Variants in SSPN observed in about 807,000 individuals in gnomAD.
SSPN encodes sarcospan, also known as K-ras oncogene-associated protein.
SSPN carries 15 observed loss-of-function variants against 19.1 expected under a neutral mutation model. That is an observed-to-expected ratio of 0.78 (90% confidence interval 0.52 to 1.21). SSPN has a LOEUF of 1.21. Among genes scored for constraint, SSPN ranks in the 50% most tolerant of loss-of-function variants. The pLI is 0.00. For synonymous variants in SSPN, 147 were observed against 140.3 expected (o/e 1.05, Z -0.34); for missense variants, 291 against 314.0 (o/e 0.93, Z 0.55).
At chr12:26,175,844 T>G (rs1944680537) in intron 1 of SSPN, among the ~76,000 whole-genome samples, 1 of 151,964 alleles carries the variant, frequency 6.6e-6, no homozygotes, top group African/African-American at 2.4e-5. Flanking sequence ...TTTGAGTTTT[T>G]TTTTTTTTTT....
rs1334501272 is a variant in SSPN at position 26,231,230 on chromosome 12, T to C, written c.*154T>C. 5 of 1,119,782 alleles carry C rather than the reference T, an allele frequency of 4.5e-6. No individual in the cohort carries two copies. In the Admixed American group the frequency reaches 9.6e-5, roughly 22 times the overall value. 69.4% of individuals were successfully genotyped at this position (1,119,782 alleles called of 1,614,324 possible). ...TATATTTTTATGAAACAAAAGAGCATTTCTTCAGGTTTCTATTGTATTTTT... is the reference window on the plus strand; with the variant it reads ...TATATTTTTATGAAACAAAAGAGCACTTCTTCAGGTTTCTATTGTATTTTT... On this transcript the variant is annotated 3_prime_UTR_variant, in exon 3 of 3. Coordinates refer to ENST00000242729, the MANE Select transcript of SSPN (RefSeq NM_005086.5).
At chr12:26,134,336 A>G (rs61915715) in intron 1 of SSPN, among the ~76,000 whole-genome samples, 15,804 of 152,206 alleles carry the variant, frequency 0.1, 980 homozygotes, top group Non-Finnish European at 0.14. Flanking sequence ...ACTGTCTCCA[A>G]GAAGCCTTCT....
intron 2 of SSPN, among the ~76,000 whole-genome samples, chr12:26,227,157 C>T (rs1171881163): frequency 6.6e-6 from 1 of 152,138 alleles, no homozygotes; most frequent in Non-Finnish European, 1.5e-5. Flanking sequence ...AAACAAGCCA[C>T]TTGATTTTAA....
chr12:26,225,947 G>T (rs1161720128), intron 2 of SSPN, among the ~76,000 whole-genome samples: 1 of 150,974 alleles, frequency 6.6e-6, no homozygotes, highest in African/African-American at 2.4e-5. Context: ...TGCCATCTCA[G>T]CATCTGCACC....
At chr12:26,188,728 C>A (rs189893762) in intron 1 of SSPN, among the ~76,000 whole-genome samples, 247 of 152,288 alleles carry the variant, frequency 1.6e-3, no homozygotes, top group Middle Eastern at 3.4e-3. Flanking sequence ...CATATTATAA[C>A]CTTTGCACTG....
chr12:26,176,344 A>C (rs561065170), intron 1 of SSPN, among the ~76,000 whole-genome samples: 1 of 152,358 alleles, frequency 6.6e-6, no homozygotes, highest in Admixed American at 6.5e-5. Flanking sequence ...TATGTGAGTC[A>C]CATTCAGTAG....
intron 1 of SSPN, among the ~76,000 whole-genome samples, chr12:26,143,347 T>C (rs1352714471): frequency 6.6e-6 from 1 of 152,228 alleles, no homozygotes; most frequent in Non-Finnish European, 1.5e-5. Context: ...AGGTGTTCTG[T>C]TGAATGCTTT....
At chr12:26,200,017 T>C (rs573469918) in intron 1 of SSPN, among the ~76,000 whole-genome samples, 1 of 152,388 alleles carries the variant, frequency 6.6e-6, no homozygotes, top group East Asian at 1.9e-4. Flanking sequence ...GAAGTCAATT[T>C]AAGTGCAAAC....
At chr12:26,184,533 T>C (rs570147745) in intron 1 of SSPN, among the ~76,000 whole-genome samples, 20 of 152,358 alleles carry the variant, frequency 1.3e-4, no homozygotes, top group African/African-American at 4.6e-4. Flanking sequence ...GAGTAAACTT[T>C]TTATTTACAT....
rs1945238294 is a variant in SSPN, at chr12:26,231,957, C to G, written c.*881C>G. The G allele has an allele frequency of 1.0e-6, 1 of 985,204 alleles. No individual in the cohort carries two copies. The highest frequency in any genetic ancestry group is 1.7e-5 in the African/African-American group (1 of 57,196). 61.0% of individuals were successfully genotyped at this position (985,204 alleles called of 1,614,324 possible). On this transcript the variant is annotated 3_prime_UTR_variant, in exon 3 of 3. Transcript: ENST00000242729. ...TCGGTGTTAAGAGAAATTACTCTCA[C>G]AAGAGCAGAGGCCTGAAGATTCTTT...
chr12:26,137,726 G>A (rs776161278), intron 1 of SSPN, among the ~76,000 whole-genome samples: 18 of 131,884 alleles, frequency 1.4e-4, no homozygotes, highest in South Asian at 2.7e-4. Flanking sequence ...GTACAGTGGT[G>A]CAATCTTGGC....
At chr12:26,175,078 C>T (rs566664461) in intron 1 of SSPN, among the ~76,000 whole-genome samples, 6 of 152,212 alleles carry the variant, frequency 3.9e-5, no homozygotes, top group South Asian at 4.1e-4. Flanking sequence ...TTATCCTGGG[C>T]GAGGTCATAT....
At chr12:26,124,295 C>A in intron 1 of SSPN, 1 of 592,398 alleles carries the variant, frequency 1.7e-6, no homozygotes, top group Non-Finnish European at 2.8e-6. Flanking sequence ...ATGTGATAAA[C>A]TACACCCAAG....
At chr12:26,154,193 T>G (rs117573927) in intron 1 of SSPN, among the ~76,000 whole-genome samples, 3,027 of 152,338 alleles carry the variant, frequency 0.02, 52 homozygotes, top group Middle Eastern at 0.048. Context: ...TTCATTTAGG[T>G]CCCTGATATG....
chr12:26,204,463 A>G (rs182681844), intron 1 of SSPN, among the ~76,000 whole-genome samples: 14 of 152,286 alleles, frequency 9.2e-5, no homozygotes, highest in Non-Finnish European at 1.8e-4. Context: ...GCATTTCTTT[A>G]TGCTCCAGGG....
intron 1 of SSPN, among the ~76,000 whole-genome samples, chr12:26,140,948 T>TTCAGG (rs2137405593): frequency 6.6e-6 from 1 of 152,288 alleles, no homozygotes; most frequent in East Asian, 1.9e-4. Context: ...AAGCAGCTCC[T>TTCAGG]GCCACTTTTT....
intron 1 of SSPN, among the ~76,000 whole-genome samples, chr12:26,202,520 G>T (rs1018755108): frequency 6.6e-6 from 1 of 152,232 alleles, no homozygotes; most frequent in Non-Finnish European, 1.5e-5. Context: ...TAGGATTGAT[G>T]TGGCTGAATG....
chr12:26,159,093 C>G (rs925216445), intron 1 of SSPN, among the ~76,000 whole-genome samples: 2 of 152,214 alleles, frequency 1.3e-5, no homozygotes, highest in Non-Finnish European at 1.5e-5. Flanking sequence ...ATGGCTGGAG[C>G]CTGGCTCTAC....
intron 2 of SSPN, among the ~76,000 whole-genome samples, chr12:26,225,490 G>A (rs989891334): frequency 8.6e-5 from 13 of 152,030 alleles, no homozygotes; most frequent in Non-Finnish European, 1.6e-4. Context: ...TATGAGTGGT[G>A]GGATTATATT....
Sources: gnomAD v4.1 joint callset for allele counts (sites outside exome capture counted in the v4.1 genomes callset) on GRCh38, gnomAD v4.1.1 for gene constraint, MANE v1.5 for transcripts, NCBI Gene and HGNC (gene_info 2026-07-23, HGNC 2026-07-21) for gene names.